Variants in DYM observed in about 807,000 individuals in gnomAD.
The protein encoded by DYM is dymeclin.
Under a neutral mutation model 93.1 loss-of-function variants are expected in DYM, and 78 were observed. That is an observed-to-expected ratio of 0.84 (90% CI 0.70 to 1.01). The LOEUF (loss-of-function observed/expected upper bound fraction) is 1.01. Ranked by LOEUF, DYM falls within the 50% of genes least tolerant of loss-of-function variation. DYM has a pLI of 0.00. For synonymous variants in DYM, 321 were observed against 319.7 expected, an observed-to-expected ratio of 1.00 and a Z score of -0.04; for missense variants, 789 against 845.0, an observed-to-expected ratio of 0.93 and a Z score of 0.82.
At chr18:49,220,245 A>T (rs931766921) in intron 13 of DYM, among the ~76,000 whole-genome samples, 19 of 151,346 alleles carry the variant, frequency 1.3e-4, no homozygotes, top group African/African-American at 4.1e-4. Context: ...CTGCTCAATG[A>T]AATAAAAGAG....
chr18:49,440,535 ATATAT>A (rs1350729075), intron 1 of DYM, among the ~76,000 whole-genome samples: 1 of 14,168 alleles, frequency 7.1e-5, no homozygotes, highest in African/African-American at 3.1e-4. Flanking sequence ...ATATATGACT[ATATAT>A]TATATATTTA....
intron 14 of DYM, among the ~76,000 whole-genome samples, chr18:49,181,737 T>TATCATTTTTGTTG (rs1256808269): frequency 2.0e-5 from 3 of 152,230 alleles, no homozygotes; most frequent in African/African-American, 7.2e-5. Context: ...GCCAAAGGTT[T>TATCATTTTTGTTG]ATCATTTTTG....
intron 15 of DYM, among the ~76,000 whole-genome samples, chr18:49,138,483 C>A (rs1023961985): frequency 1.2e-4 from 19 of 152,150 alleles, no homozygotes; most frequent in African/African-American, 3.9e-4. Context: ...TTAATACCTG[C>A]CCAGCAGTCT....
intron 13 of DYM, among the ~76,000 whole-genome samples, chr18:49,252,241 A>AAAAAAAAAAAAG: frequency 6.7e-6 from 1 of 148,446 alleles, no homozygotes; most frequent in African/African-American, 2.5e-5. Context: ...AAAAAAAAAA[A>AAAAAAAAAAAAG]AGAACTGCCT....
chr18:49,085,993 C>G (rs894768422), intron 17 of DYM, among the ~76,000 whole-genome samples: 5 of 152,174 alleles, frequency 3.3e-5, no homozygotes, highest in African/African-American at 9.7e-5. Flanking sequence ...AAAATTCTAT[C>G]AAAACTAATA....
At chr18:49,097,158 T>C (rs2079616534) in intron 17 of DYM, 1 of 561,118 alleles carries the variant, frequency 1.8e-6, no homozygotes, top group Admixed American at 3.1e-5. Context: ...AAAAATAAGG[T>C]GTCCTTTTAT....
intron 13 of DYM, among the ~76,000 whole-genome samples, chr18:49,239,763 A>C (rs1184665872): frequency 6.6e-6 from 1 of 152,238 alleles, no homozygotes; most frequent in Non-Finnish European, 1.5e-5. Context: ...ACGATGGCAA[A>C]CAAGAGACCA....
At chr18:49,422,615 A>G (rs1007822343) in intron 2 of DYM, among the ~76,000 whole-genome samples, 4 of 152,188 alleles carry the variant, frequency 2.6e-5, no homozygotes, top group Admixed American at 1.3e-4. Context: ...TTGGATAAAC[A>G]GTCAAGACCC....
At chr18:49,079,943 G>A (rs2077667553) in intron 17 of DYM, among the ~76,000 whole-genome samples, 1 of 151,266 alleles carries the variant, frequency 6.6e-6, no homozygotes, top group African/African-American at 2.4e-5. Flanking sequence ...CGGGGTGGTG[G>A]CCGGGCAGAG....
At chr18:49,186,414 T>G (rs954503336) in intron 14 of DYM, among the ~76,000 whole-genome samples, 2 of 152,196 alleles carry the variant, frequency 1.3e-5, no homozygotes, top group African/African-American at 4.8e-5. Context: ...TCCCATTCCC[T>G]GTTGTCTTCT....
At chr18:49,386,934 G>A (rs143982191) in intron 3 of DYM, among the ~76,000 whole-genome samples, 7 of 149,166 alleles carry the variant, frequency 4.7e-5, no homozygotes, top group African/African-American at 1.5e-4. Flanking sequence ...AAATTTCTTC[G>A]TATTTATTTA....
chr18:49,177,375 A>G (rs2089497534), intron 14 of DYM, among the ~76,000 whole-genome samples: 1 of 152,204 alleles, frequency 6.6e-6, no homozygotes, highest in Non-Finnish European at 1.5e-5. Context: ...GCTGCAGAGT[A>G]CCTATAACTA....
intron 10 of DYM, among the ~76,000 whole-genome samples, chr18:49,279,769 G>C (rs951896648): frequency 6.6e-6 from 1 of 152,072 alleles, no homozygotes; most frequent in African/African-American, 2.4e-5. Flanking sequence ...CTCTTTATAG[G>C]ATTTTACTCA....
chr18:49,321,693 A>G (rs1304661541), intron 8 of DYM, among the ~76,000 whole-genome samples: 1 of 152,182 alleles, frequency 6.6e-6, no homozygotes, highest in African/African-American at 2.4e-5. Flanking sequence ...ACCACTGCAC[A>G]GAAACAGTAA....
chr18:49,250,046 T>G (rs1335307694), intron 13 of DYM, among the ~76,000 whole-genome samples: 2 of 152,186 alleles, frequency 1.3e-5, no homozygotes, highest in Non-Finnish European at 2.9e-5. Context: ...ATCATCAACT[T>G]CACTAGTTTC....
At chr18:49,299,153 G>A (rs571664719) in intron 8 of DYM, among the ~76,000 whole-genome samples, 1 of 152,230 alleles carries the variant, frequency 6.6e-6, no homozygotes, top group South Asian at 2.1e-4. Context: ...GATGGTGTAA[G>A]CAGAGGAAAA....
chr18:49,387,139 T>C (rs1338502337), intron 3 of DYM, among the ~76,000 whole-genome samples: 1 of 151,968 alleles, frequency 6.6e-6, no homozygotes, highest in Non-Finnish European at 1.5e-5. Flanking sequence ...GGTCTTGCTA[T>C]GTTGCTCCTG....
intron 13 of DYM, among the ~76,000 whole-genome samples, chr18:49,250,639 G>T (rs1469496649): frequency 6.6e-6 from 1 of 152,166 alleles, no homozygotes; most frequent in Non-Finnish European, 1.5e-5. Context: ...GCTGAACTGG[G>T]GAGACCTCAG....
intron 17 of DYM, among the ~76,000 whole-genome samples, chr18:49,050,446 T>C (rs536404374): frequency 6.6e-6 from 1 of 152,092 alleles, no homozygotes; most frequent in Non-Finnish European, 1.5e-5. Flanking sequence ...TCTAATGGGG[T>C]AACTAAGAAG....
Sources: gnomAD v4.1 joint callset for allele counts (sites outside exome capture counted in the v4.1 genomes callset) on GRCh38, gnomAD v4.1.1 for gene constraint, MANE v1.5 for transcripts, NCBI Gene and HGNC (gene_info 2026-07-23, HGNC 2026-07-21) for gene names.